SYNDIG1L: variants seen among roughly 807,000 people sequenced by gnomAD.
The protein encoded by SYNDIG1L is synapse differentiation inducing 1 like.
In SYNDIG1L, 13 loss-of-function variants were observed where a neutral mutation model predicts 20.1. The observed-to-expected ratio is 0.65, with a 90% CI of 0.42 to 1.03. SYNDIG1L has a LOEUF of 1.03. Among genes scored for constraint, SYNDIG1L ranks in the 50% least tolerant of loss-of-function variants. The pLI is 0.00. For missense variants in SYNDIG1L, 294 were observed against 305.1 expected (o/e 0.96, Z 0.27); for synonymous variants, 128 against 129.3 (o/e 0.99, Z 0.07).
the SYNDIG1L span, among the ~76,000 whole-genome samples, chr14:74,450,464 G>C: frequency 6.6e-6 from 1 of 152,166 alleles, no homozygotes; most frequent in Non-Finnish European, 1.5e-5. Context: ...AATTCAACAA[G>C]ATATAAACAG....
chr14:74,432,242 C>G, the SYNDIG1L span, among the ~76,000 whole-genome samples: 1 of 151,564 alleles, frequency 6.6e-6, no homozygotes, highest in Non-Finnish European at 1.5e-5. Context: ...ACACTACTTG[C>G]AGTTATCAGC....
chr14:74,431,555 G>A, the SYNDIG1L span, among the ~76,000 whole-genome samples: 1 of 152,086 alleles, frequency 6.6e-6, no homozygotes, highest in African/African-American at 2.4e-5. Flanking sequence ...AAAGGCTCAT[G>A]GAAGTTAAAT....
chr14:74,434,381 C>A, the SYNDIG1L span, among the ~76,000 whole-genome samples: 1 of 151,956 alleles, frequency 6.6e-6, no homozygotes, highest in African/African-American at 2.4e-5. Context: ...TGGCCTGCCT[C>A]GGTGGGAGAA....
At chr14:74,480,037 C>T in the SYNDIG1L span, 344 of 1,476,594 alleles carry the variant, frequency 2.3e-4, no homozygotes, top group Middle Eastern at 8.8e-4. Context: ...AAAAATTAAA[C>T]ATCTGCTAAC....
At chr14:74,475,813 C>T in the SYNDIG1L span, among the ~76,000 whole-genome samples, 5 of 152,120 alleles carry the variant, frequency 3.3e-5, no homozygotes, top group Non-Finnish European at 5.9e-5. Flanking sequence ...AGATTTTCCC[C>T]GCCCTCACAA....
the SYNDIG1L span, among the ~76,000 whole-genome samples, chr14:74,438,535 G>A: frequency 6.6e-6 from 1 of 152,170 alleles, no homozygotes; most frequent in Non-Finnish European, 1.5e-5. Context: ...TTTCTCCTCA[G>A]GTCAAATTGC....
the SYNDIG1L span, among the ~76,000 whole-genome samples, chr14:74,454,036 A>C: frequency 2.0e-5 from 3 of 152,206 alleles, no homozygotes; most frequent in East Asian, 5.8e-4. Flanking sequence ...GAAATAAGAA[A>C]GATCAAGACA....
chr14:74,407,246 A>T lies in SYNDIG1L; in HGVS notation c.*289T>A, dbSNP rs959418703. ...ATCCTCTAGGGAATGGGCAGAATGG[A>T]TGGAGCTAGGCCCTGCTGGGATGGC... On this transcript the variant is annotated 3_prime_UTR_variant, in exon 4 of 4. Coordinates refer to ENST00000331628, the MANE Select transcript of SYNDIG1L (RefSeq NM_001105579.2). The T allele has an allele frequency of 2.3e-5, 11 of 484,846 alleles. No homozygotes were observed. The highest frequency in any genetic ancestry group is 1.6e-4 in the African/African-American group (8 of 49,920). The allele number at this position is 484,846 out of a possible 1,614,324, so 30.0% of individuals were successfully genotyped here.
chr14:74,466,795 C>T, the SYNDIG1L span, among the ~76,000 whole-genome samples: 1 of 152,166 alleles, frequency 6.6e-6, no homozygotes, highest in Non-Finnish European at 1.5e-5. Flanking sequence ...GGTTAAACAA[C>T]CTTAAAGGTT....
At chr14:74,417,331 G>C (rs2086184947) in intron 1 of SYNDIG1L, among the ~76,000 whole-genome samples, 1 of 152,222 alleles carries the variant, frequency 6.6e-6, no homozygotes, top group Admixed American at 6.5e-5. Context: ...GACACCTTGA[G>C]GAGGGTTGCT....
At position 74,405,971 on chromosome 14, in the gene SYNDIG1L, T is replaced by A. The variant is rs878938034; in HGVS notation, c.*1564A>T. 2.5e-5 allele frequency: 10 copies of A among 398,026 alleles called. No individual in the cohort carries two copies. Among genetic ancestry groups the A allele is most frequent in the Middle Eastern group, 6.2e-4 (1 of 1,618 alleles). The allele number at this position is 398,026 out of a possible 1,614,324, so 24.7% of individuals were successfully genotyped here. Reference sequence around the variant, plus strand: ...CCTTAAAACTGCTGTGATGCAGGAGTGGAGGGCTGGGCAGTGCCCGAGGCA... The same window carrying A: ...CCTTAAAACTGCTGTGATGCAGGAGAGGAGGGCTGGGCAGTGCCCGAGGCA... On this transcript the variant is annotated 3_prime_UTR_variant, in exon 4 of 4. Transcript: ENST00000331628.
chr14:74,455,394 CT>C, the SYNDIG1L span, among the ~76,000 whole-genome samples: 1,008 of 123,728 alleles, frequency 8.1e-3, 8 homozygotes, highest in Middle Eastern at 0.064. Context: ...CTTCCCCAAT[CT>C]TTTTTTTTTT....
At chr14:74,457,150 C>T in the SYNDIG1L span, among the ~76,000 whole-genome samples, 1 of 152,130 alleles carries the variant, frequency 6.6e-6, no homozygotes, top group South Asian at 2.1e-4. Context: ...TCAAGGGACC[C>T]CAGGCGACCT....
At chr14:74,408,458 G>T (rs2086102634) in intron 2 of SYNDIG1L, among the ~76,000 whole-genome samples, 1 of 152,004 alleles carries the variant, frequency 6.6e-6, no homozygotes, top group Admixed American at 6.6e-5. Flanking sequence ...CAGCTACTTG[G>T]GAGGCTGAGG....
chr14:74,415,796 C>T (rs2086169753), intron 1 of SYNDIG1L, among the ~76,000 whole-genome samples: 1 of 151,914 alleles, frequency 6.6e-6, no homozygotes, highest in Non-Finnish European at 1.5e-5. Context: ...CCACCTTGGC[C>T]TCCCAAAGTA....
the SYNDIG1L span, among the ~76,000 whole-genome samples, chr14:74,452,452 T>A: frequency 1.3e-5 from 2 of 152,330 alleles, no homozygotes; most frequent in South Asian, 4.1e-4. Context: ...CTGATGGTTT[T>A]ATAAAGAGGA....
the SYNDIG1L span, among the ~76,000 whole-genome samples, chr14:74,461,011 C>T: frequency 6.6e-6 from 1 of 152,114 alleles, no homozygotes; most frequent in East Asian, 1.9e-4. Flanking sequence ...TTTCATGACT[C>T]CCCTTTGGCA....
upstream of SYNDIG1L, among the ~76,000 whole-genome samples, chr14:74,427,428 C>T (rs2086275253): frequency 6.6e-6 from 1 of 152,114 alleles, no homozygotes; most frequent in South Asian, 2.1e-4. Flanking sequence ...GACTCCTTCA[C>T]TCCCACAGGA....
At chr14:74,428,312 C>T (rs901197053), upstream of SYNDIG1L, among the ~76,000 whole-genome samples, 4 of 152,240 alleles carry the variant, frequency 2.6e-5, no homozygotes, top group Non-Finnish European at 5.9e-5. Flanking sequence ...ACCTTTACCT[C>T]TCACAAGGTA....
Sources: gnomAD v4.1 joint callset for allele counts (sites outside exome capture counted in the v4.1 genomes callset) on GRCh38, gnomAD v4.1.1 for gene constraint, MANE v1.5 for transcripts, NCBI Gene and HGNC (gene_info 2026-07-23, HGNC 2026-07-21) for gene names.